The following SEL1L2 variants were observed in gnomAD, a reference collection of about 807,000 sequenced individuals.
The protein encoded by SEL1L2 is SEL1L2 adaptor subunit of SYVN1 ubiquitin ligase, also known as protein sel-1 homolog 2.
In SEL1L2, 89 loss-of-function variants were observed where a neutral mutation model predicts 98.8. The ratio of observed to expected loss-of-function variants is 0.90; its 90% CI spans 0.76 to 1.07. The LOEUF (loss-of-function observed/expected upper bound fraction) is 1.07, where lower values mean the gene tolerates loss of function less well. Ranked by LOEUF, SEL1L2 falls within the 50% of genes least tolerant of loss-of-function variation. The pLI is 0.00. For missense variants in SEL1L2, 788 were observed against 812.0 expected (o/e 0.97, Z 0.36); for synonymous variants, 262 against 278.5 (o/e 0.94, Z 0.59).
chr20:13,988,848 A>G (rs1312943500), intron 1 of SEL1L2, among the ~76,000 whole-genome samples: 1 of 152,116 alleles, frequency 6.6e-6, no homozygotes, highest in African/African-American at 2.4e-5. Flanking sequence ...CCCCGTCTCT[A>G]CTAAAAATAC....
rs2048822107 is a variant in SEL1L2, at chr20:13,925,010, G to A, written c.284-5887C>T. On this transcript the variant is annotated intron_variant, in intron 3 of 19. Coordinates refer to ENST00000284951, the MANE Select transcript of SEL1L2 (RefSeq NM_025229.2). ...AAAAATTAGCCGGGCATAGTGGTGC[G>A]CACCTGTAATCCCAGCTACTAGGGA... 3.3e-5 allele frequency among the ~76,000 whole-genome samples: 5 copies of A among 151,940 alleles called. No homozygotes were observed. The East Asian group carries it at 5.8e-4, about 18-fold the overall frequency.
intron 5 of SEL1L2, among the ~76,000 whole-genome samples, chr20:13,904,295 G>A (rs1239335380): frequency 6.6e-6 from 1 of 152,258 alleles, no homozygotes; most frequent in South Asian, 2.1e-4. Context: ...TTGGGAGGCC[G>A]AGGTGAGCAG....
At chr20:13,928,962 A>G (rs998093010) in intron 3 of SEL1L2, among the ~76,000 whole-genome samples, 1 of 152,110 alleles carries the variant, frequency 6.6e-6, no homozygotes, top group African/African-American at 2.4e-5. Context: ...ACAGGAATCT[A>G]GTTGTTGCCG....
chr20:13,889,847 A>G (rs1443034130), intron 5 of SEL1L2, among the ~76,000 whole-genome samples: 1 of 152,220 alleles, frequency 6.6e-6, no homozygotes, highest in South Asian at 2.1e-4. Context: ...TCTTCACATT[A>G]ATTTTAACGT....
At chr20:13,884,559 G>C (rs1204044461) in intron 10 of SEL1L2, among the ~76,000 whole-genome samples, 1 of 152,024 alleles carries the variant, frequency 6.6e-6, no homozygotes, top group African/African-American at 2.4e-5. Flanking sequence ...CCAGACTGTA[G>C]TGCAGTGGCA....
chr20:13,883,012 G>A (rs1290430433), intron 10 of SEL1L2, among the ~76,000 whole-genome samples: 93 of 145,946 alleles, frequency 6.4e-4, no homozygotes, highest in Admixed American at 6.8e-4. Flanking sequence ...AGTAGAGACG[G>A]GGTTTCACCG....
chr20:13,961,862 C>A (rs2050787818), intron 1 of SEL1L2, among the ~76,000 whole-genome samples: 1 of 152,170 alleles, frequency 6.6e-6, no homozygotes, highest in African/African-American at 2.4e-5. Context: ...TCCAAATTGC[C>A]ATGGACCAGT....
intron 2 of SEL1L2, among the ~76,000 whole-genome samples, chr20:13,949,458 A>C (rs999184207): frequency 1.3e-5 from 2 of 152,194 alleles, no homozygotes; most frequent in Admixed American, 6.5e-5. Context: ...AGGTCAGGAG[A>C]TCAAGACCGT....
chr20:13,947,323 C>T (rs1263432079), intron 2 of SEL1L2, among the ~76,000 whole-genome samples: 2 of 152,130 alleles, frequency 1.3e-5, no homozygotes, highest in Admixed American at 6.5e-5. Flanking sequence ...TCCATATCTC[C>T]TCTCCACTGA....
rs1481772002 is a variant in SEL1L2 at position 13,849,369 on chromosome 20, C to CA, written c.*115dup. On this transcript the variant is annotated 3_prime_UTR_variant, in exon 20 of 20. Transcript: ENST00000284951. ...CCCAAGTCTTGTCTGTTTCCCATCACAGCCCTGAGCGGGAAACTGCAGCGG... is the reference window on the plus strand; with the variant it reads ...CCCAAGTCTTGTCTGTTTCCCATCACAAGCCCTGAGCGGGAAACTGCAGCGG... The CA allele has an allele frequency of 7.5e-7, 1 of 1,328,142 alleles. No homozygotes were observed. The highest frequency in any genetic ancestry group is 1.4e-5 in the African/African-American group (1 of 69,056). The allele number at this position is 1,328,142 out of a possible 1,614,324, so 82.3% of individuals were successfully genotyped here. A position where few individuals can be genotyped will look rare whatever the true frequency, so the allele number is the denominator to read the frequency against.
At chr20:13,963,723 A>G (rs913521228) in intron 1 of SEL1L2, among the ~76,000 whole-genome samples, 7 of 152,140 alleles carry the variant, frequency 4.6e-5, no homozygotes, top group Admixed American at 2.0e-4. Flanking sequence ...ATCAAAAATA[A>G]AAAATAAAAA....
intron 5 of SEL1L2, among the ~76,000 whole-genome samples, chr20:13,897,126 T>C (rs1297279708): frequency 6.6e-6 from 1 of 152,182 alleles, no homozygotes; most frequent in Non-Finnish European, 1.5e-5. Flanking sequence ...TCAAATGATC[T>C]TTGACAAGGA....
At chr20:13,881,500 G>A (rs1568886460) in intron 10 of SEL1L2, among the ~76,000 whole-genome samples, 2 of 152,024 alleles carry the variant, frequency 1.3e-5, no homozygotes, top group South Asian at 2.1e-4. Context: ...CAAACATCCC[G>A]CTTTCCTAAT....
At chr20:13,882,892 C>T (rs2046777508) in intron 10 of SEL1L2, among the ~76,000 whole-genome samples, 2 of 146,170 alleles carry the variant, frequency 1.4e-5, no homozygotes, top group Non-Finnish European at 3.0e-5. Flanking sequence ...TCTCGGCTCA[C>T]TGCAAGCTCC....
chr20:13,859,320 T>C lies in SEL1L2; in HGVS notation c.1760A>G (p.Asn587Ser), dbSNP rs745678005. Residue 587 changes from asparagine (N) to serine (S), a missense_variant, in exon 18 of 20, where the codon AAC becomes AGC. By Grantham distance (46) the Asn-to-Ser change is conservative. Transcript: ENST00000284951. ...AGCCAGATTGAACATGGCTTGCGCGTTGTGGTATTTGTTGGCTGCAATGCT... is the reference window on the plus strand; with the variant it reads ...AGCCAGATTGAACATGGCTTGCGCGCTGTGGTATTTGTTGGCTGCAATGCT... Reference protein sequence around the residue: ...HYSIAANKYHNAQAMFNLAYM... With the variant: ...HYSIAANKYHSAQAMFNLAYM... 6.8e-6 allele frequency: 11 copies of C among 1,614,056 alleles called. No homozygotes were observed. In the Admixed American group the frequency reaches 1.8e-4, roughly 27 times the overall value.
chr20:13,878,449 G>A (rs781506505), intron 10 of SEL1L2, among the ~76,000 whole-genome samples: 12 of 152,124 alleles, frequency 7.9e-5, no homozygotes, highest in Admixed American at 2.0e-4. Flanking sequence ...GATTACAGGC[G>A]CCCCCACCCA....
At chr20:13,898,723 G>A (rs1023688471) in intron 5 of SEL1L2, among the ~76,000 whole-genome samples, 1 of 150,740 alleles carries the variant, frequency 6.6e-6, no homozygotes, top group Admixed American at 6.6e-5. Flanking sequence ...CCTTTTAATG[G>A]CTTCCCATTG....
chr20:13,901,960 G>A (rs2047703070), intron 5 of SEL1L2, among the ~76,000 whole-genome samples: 1 of 152,256 alleles, frequency 6.6e-6, no homozygotes, highest in Admixed American at 6.5e-5. Context: ...ACTGCCCCTG[G>A]CCTTCATACT....
At chr20:13,886,887 CAAAA>C (rs11475673) in intron 8 of SEL1L2, among the ~76,000 whole-genome samples, 1 of 130,400 alleles carries the variant, frequency 7.7e-6, no homozygotes, top group Non-Finnish European at 1.7e-5. Flanking sequence ...TACTCTGTCT[CAAAA>C]AAAAAAAAAA....
Sources: gnomAD v4.1 joint callset for allele counts (sites outside exome capture counted in the v4.1 genomes callset) on GRCh38, gnomAD v4.1.1 for gene constraint, MANE v1.5 for transcripts, NCBI Gene and HGNC (gene_info 2026-07-23, HGNC 2026-07-21) for gene names.